The following GLIS3 variants were observed in gnomAD, a reference collection of about 807,000 sequenced individuals.
GLIS3 encodes zinc finger protein GLIS3.
GLIS3 carries 53 observed loss-of-function variants against 78.6 expected under a neutral mutation model. The observed-to-expected ratio is 0.67, with a 90% confidence interval of 0.54 to 0.85. The LOEUF is 0.85. GLIS3 is among the 40% of genes least tolerant of loss of function. The pLI is 0.00. For missense variants in GLIS3, 1,703 were observed against 1,231.1 expected, an observed-to-expected ratio of 1.38 and a Z score of -5.74; for synonymous variants, 684 against 509.9, an observed-to-expected ratio of 1.34 and a Z score of -4.60.
intron 4 of GLIS3, among the ~76,000 whole-genome samples, chr9:3,987,605 G>C (rs1000895364): frequency 6.6e-6 from 1 of 151,112 alleles, no homozygotes; most frequent in Non-Finnish European, 1.5e-5. Flanking sequence ...AGGAGGCTGA[G>C]GCAGGCACTT....
At chr9:4,467,201 G>C in the GLIS3 span, among the ~76,000 whole-genome samples, 10 of 152,286 alleles carry the variant, frequency 6.6e-5, no homozygotes, top group Admixed American at 6.5e-4. Context: ...CTCCACCTCT[G>C]GGGGCAGGGA....
chr9:4,267,573 T>A (rs758771124), intron 2 of GLIS3, among the ~76,000 whole-genome samples: 1 of 152,208 alleles, frequency 6.6e-6, no homozygotes, highest in African/African-American at 2.4e-5. Context: ...TAGCTACCGA[T>A]AGCACCACCA....
At chr9:4,362,532 CA>C in the GLIS3 span, among the ~76,000 whole-genome samples, 14 of 152,210 alleles carry the variant, frequency 9.2e-5, no homozygotes, top group Non-Finnish European at 1.9e-4. Context: ...ATTTTTCAAA[CA>C]GCACTCAAAA....
intron 2 of GLIS3, among the ~76,000 whole-genome samples, chr9:4,320,971 C>G (rs1175836590): frequency 2.0e-5 from 3 of 152,006 alleles, no homozygotes; most frequent in Non-Finnish European, 2.9e-5. Context: ...TCTCGAGATA[C>G]AAAGAACGTT....
chr9:4,097,591 C>T (rs1043012571), intron 4 of GLIS3, among the ~76,000 whole-genome samples: 5 of 152,128 alleles, frequency 3.3e-5, no homozygotes, highest in African/African-American at 7.2e-5. Flanking sequence ...TGCAAAATGC[C>T]AGAGATTTTA....
intron 4 of GLIS3, among the ~76,000 whole-genome samples, chr9:4,002,156 GAGT>G (rs1439824327): frequency 6.6e-6 from 1 of 152,174 alleles, no homozygotes; most frequent in Non-Finnish European, 1.5e-5. Context: ...GAAGATCATT[GAGT>G]AGTAGGAGAT....
chr9:4,249,460 AT>A (rs1350506902), intron 2 of GLIS3, among the ~76,000 whole-genome samples: 1 of 152,188 alleles, frequency 6.6e-6, no homozygotes, highest in East Asian at 1.9e-4. Context: ...ATTTCTGCAC[AT>A]TGATTTTGTA....
intron 2 of GLIS3, among the ~76,000 whole-genome samples, chr9:4,198,681 G>C (rs551942620): frequency 2.0e-5 from 3 of 152,220 alleles, no homozygotes; most frequent in East Asian, 1.9e-4. Flanking sequence ...TTGCTAGAGA[G>C]GCAGACACCT....
chr9:4,382,083 T>C, the GLIS3 span, among the ~76,000 whole-genome samples: 1 of 152,220 alleles, frequency 6.6e-6, no homozygotes, highest in Non-Finnish European at 1.5e-5. Flanking sequence ...TGTCACCCTT[T>C]TCCCTTTTTG....
intron 8 of GLIS3, among the ~76,000 whole-genome samples, chr9:3,876,407 CAT>C (rs1821311295): frequency 6.6e-6 from 1 of 151,602 alleles, no homozygotes; most frequent in African/African-American, 2.4e-5. Context: ...CTATAGAAAA[CAT>C]TATTCACAAA....
chr9:4,258,138 C>A (rs1290171090), intron 2 of GLIS3, among the ~76,000 whole-genome samples: 1 of 152,110 alleles, frequency 6.6e-6, no homozygotes, highest in South Asian at 2.1e-4. Context: ...ATTTTCAGTA[C>A]TTTCCTAATT....
rs1273504190 is a variant in GLIS3, at chr9:4,300,007, G to A, written c.-685C>T. 6.6e-6 allele frequency: 1 copy of A among 152,326 alleles called. No individual in the cohort carries two copies. The highest frequency in any genetic ancestry group is 6.5e-5 in the Admixed American group (1 of 15,276). The allele number at this position is 152,326 out of a possible 1,614,324, so 9.4% of individuals were successfully genotyped here. A position where few individuals can be genotyped will look rare whatever the true frequency, so the allele number is the denominator to read the frequency against. On this transcript the variant is annotated 5_prime_UTR_variant, in exon 1 of 11. Coordinates refer to ENST00000381971, the MANE Select transcript of GLIS3 (RefSeq NM_001042413.2). Reference sequence around the variant, plus strand: ...CGGCGCAGTGTGGACGCGGCTGCAGGGAGAGGGGAAGGGGGAAGAGGGAGG... The same window carrying A: ...CGGCGCAGTGTGGACGCGGCTGCAGAGAGAGGGGAAGGGGGAAGAGGGAGG...
chr9:3,982,606 C>T (rs935442229), intron 4 of GLIS3, among the ~76,000 whole-genome samples: 5 of 152,126 alleles, frequency 3.3e-5, no homozygotes, highest in Admixed American at 2.6e-4. Context: ...TATTTAATAT[C>T]GAAATAAGTG....
chr9:4,484,511 C>G, the GLIS3 span, among the ~76,000 whole-genome samples: 2 of 142,940 alleles, frequency 1.4e-5, no homozygotes, highest in South Asian at 4.4e-4. Flanking sequence ...CTCTGCCTCT[C>G]GAGTTCAAGC....
chr9:4,330,852 C>G (rs1444581986), intron 2 of GLIS3, among the ~76,000 whole-genome samples: 2 of 152,116 alleles, frequency 1.3e-5, no homozygotes, highest in African/African-American at 4.8e-5. Flanking sequence ...ACCAGGCGAG[C>G]CAGGAGTGGG....
the GLIS3 span, among the ~76,000 whole-genome samples, chr9:4,416,848 C>T: frequency 5.2e-5 from 5 of 96,408 alleles, no homozygotes; most frequent in Admixed American, 2.8e-4. Context: ...GATGGAGTTT[C>T]ACTCTTGTTG....
intron 2 of GLIS3, among the ~76,000 whole-genome samples, chr9:4,282,747 A>ATC (rs1827669976): frequency 6.9e-6 from 1 of 144,744 alleles, no homozygotes; most frequent in Non-Finnish European, 1.6e-5. Context: ...TTCTTTATAT[A>ATC]TATACACACA....
chr9:3,976,015 G>A (rs112790813), intron 4 of GLIS3, among the ~76,000 whole-genome samples: 3,641 of 152,238 alleles, frequency 0.024, 66 homozygotes, highest in Non-Finnish European at 0.04. Context: ...GGCCATATGT[G>A]TATTTATAAA....
chr9:4,469,117 A>G, the GLIS3 span, among the ~76,000 whole-genome samples: 11 of 152,238 alleles, frequency 7.2e-5, no homozygotes, highest in Non-Finnish European at 1.0e-4. Context: ...CCAATATGGG[A>G]GCACCCAGAT....
Sources: gnomAD v4.1 joint callset for allele counts (sites outside exome capture counted in the v4.1 genomes callset) on GRCh38, gnomAD v4.1.1 for gene constraint, MANE v1.5 for transcripts, NCBI Gene and HGNC (gene_info 2026-07-23, HGNC 2026-07-21) for gene names.